The following KMT2E variants were observed in gnomAD, a reference collection of about 807,000 sequenced individuals.
The protein encoded by KMT2E is histone reader KMT2E.
In KMT2E, 30 loss-of-function variants were observed where a neutral mutation model predicts 184.6. That is an observed-to-expected ratio of 0.16 (90% CI 0.12 to 0.22). The LOEUF (loss-of-function observed/expected upper bound fraction) is 0.22. Ranked by LOEUF, KMT2E falls within the 10% of genes least tolerant of loss-of-function variation. KMT2E has a pLI of 1.00. For synonymous variants in KMT2E, 815 were observed against 776.5 expected (o/e 1.05, Z -0.82); for missense variants, 2,023 against 2,237.4 (o/e 0.90, Z 1.93).
rs926478950 is a variant in KMT2E at position 105,076,979 on chromosome 7, T to C, written c.785T>C (p.Ile262Thr). 5 of 1,612,962 alleles carry C rather than the reference T, an allele frequency of 3.1e-6. No individual in the cohort carries two copies. The highest frequency in any genetic ancestry group is 2.2e-5 in the South Asian group (2 of 91,024). ...TGATTTTAGGGTTCAGCTCCAGAGATTGATCCTTCATCTGATGGTTCAAAT... is the reference window on the plus strand; with the variant it reads ...TGATTTTAGGGTTCAGCTCCAGAGACTGATCCTTCATCTGATGGTTCAAAT... ...SSRVKGSAPE[I>T]DPSSDGSNFG... The change falls in exon 10 of 27, where the codon ATT becomes ACT. Residue 262 changes from isoleucine (I) to threonine (T), a missense_variant. Ile to Thr is a moderately conservative substitution (Grantham distance 89). Around this residue, in one of 8 missense-constraint regions of KMT2E, gnomAD observed 191 missense variants for 209.0 expected, o/e 0.91. Transcript: ENST00000311117.
At chr7:105,062,783 T>C (rs1013836155) in intron 4 of KMT2E, among the ~76,000 whole-genome samples, 7 of 151,906 alleles carry the variant, frequency 4.6e-5, no homozygotes, top group African/African-American at 1.7e-4. Flanking sequence ...TTATTAAATA[T>C]TGCATATCTA....
chr7:105,096,677 A>G (rs1411929863), intron 15 of KMT2E, among the ~76,000 whole-genome samples: 1 of 152,254 alleles, frequency 6.6e-6, no homozygotes, highest in Admixed American at 6.5e-5. Flanking sequence ...AAAGTAGACC[A>G]TCAATAAATG....
At chr7:105,105,232 C>A (rs983772509) in intron 17 of KMT2E, 24 of 413,314 alleles carry the variant, frequency 5.8e-5, no homozygotes, top group Non-Finnish European at 9.3e-5. Context: ...TTTTGTTCTA[C>A]AAAATAATTG....
At chr7:105,045,273 T>TA (rs1796054715) in intron 3 of KMT2E, among the ~76,000 whole-genome samples, 1 of 152,240 alleles carries the variant, frequency 6.6e-6, no homozygotes. Flanking sequence ...CCTTTGGCTT[T>TA]AGTGAAAATA....
intron 6 of KMT2E, among the ~76,000 whole-genome samples, chr7:105,072,292 T>A (rs552039333): frequency 6.6e-6 from 1 of 152,132 alleles, no homozygotes; most frequent in African/African-American, 2.4e-5. Context: ...AACTCCAGCT[T>A]GGCAGCCTGG....
chr7:105,071,608 AT>A (rs869055986), intron 6 of KMT2E, among the ~76,000 whole-genome samples: 80 of 31,866 alleles, frequency 2.5e-3, no homozygotes, highest in East Asian at 0.019. Flanking sequence ...ATATATATAT[AT>A]TTTTTTTTTT....
At position 105,066,711 on chromosome 7, in the gene KMT2E, CTTTT is replaced by C. The variant is rs543092880; in HGVS notation, c.417-7_417-4del. ...CTTAAATAATATTACATATGTTCTG[CTTTT>C]TTTTTTTTAAGCGTTTGGCAACATA... is the stretch of plus-strand genomic sequence containing the variant. On this transcript the variant is annotated splice_polypyrimidine_tract_variant and intron_variant, in intron 5 of 26. Transcript: ENST00000311117. 3.2e-6 allele frequency: 4 copies of C among 1,235,188 alleles called. No homozygotes were observed. Among genetic ancestry groups the C allele is most frequent in the African/African-American group, 1.6e-5 (1 of 64,116 alleles). The allele number at this position is 1,235,188 out of a possible 1,614,324, so 76.5% of individuals were successfully genotyped here.
chr7:105,111,140 G>A (rs1799238624), intron 26 of KMT2E: 1 of 347,678 alleles, frequency 2.9e-6, no homozygotes. Flanking sequence ...TTCTAGTGGT[G>A]TCCAGGAAAT....
At chr7:105,095,492 C>T (rs1798367434) in intron 15 of KMT2E, among the ~76,000 whole-genome samples, 1 of 152,136 alleles carries the variant, frequency 6.6e-6, no homozygotes, top group African/African-American at 2.4e-5. Context: ...ACAAAATACT[C>T]AGGGATGAAG....
rs562888858 is a variant in KMT2E, at chr7:105,109,127, A to T, written c.3654A>T (p.Pro1218=). ...ACCACACTGCTAGCCTACCTTTACC[A>T]ACACCAGCTACAGTTTATAATGCCA... ...QVDHTASLPL[P]TPATVYNATS... is the part of the protein sequence containing the mutation. Residue 1218 remains proline, a synonymous_variant, in exon 23 of 27, where the codon CCA becomes CCT. Transcript: ENST00000311117. The T allele has an allele frequency of 2.5e-6, 4 of 1,614,208 alleles. 1 individual carries two copies. The Admixed American group carries it at 6.7e-5, about 27-fold the overall frequency.
chr7:105,052,139 G>A (rs1796376538), intron 3 of KMT2E, among the ~76,000 whole-genome samples: 1 of 152,040 alleles, frequency 6.6e-6, no homozygotes, highest in South Asian at 2.1e-4. Flanking sequence ...TGACCATAAG[G>A]CCCTCCTTCC....
intron 8 of KMT2E, 86 bp from the exon 9 acceptor site, chr7:105,075,956 TA>T: frequency 9.3e-7 from 1 of 1,071,974 alleles, no homozygotes; most frequent in Non-Finnish European, 1.4e-6. Context: ...ACACTTCAGT[TA>T]AAAGTTTCAA....
chr7:105,092,666 A>G (rs1433731662), intron 15 of KMT2E, among the ~76,000 whole-genome samples: 2 of 152,188 alleles, frequency 1.3e-5, no homozygotes, highest in East Asian at 1.9e-4. Context: ...TTGAGATTCA[A>G]TTATATATAA....
chr7:105,112,790 C>CG lies in KMT2E; in HGVS notation c.5034_5035insG (p.Pro1679AlafsTer190). On this transcript the variant is annotated frameshift_variant, in exon 27 of 27. Transcript: ENST00000311117. LOFTEE classifies it high-confidence loss of function. ...CTCAAACTGCTGGACACCACTTACC[C>CG]CCACCCCCACCCCCTCCTGGTCCTG... 2 of 1,573,188 alleles carry CG rather than the reference C, an allele frequency of 1.3e-6. No individual in the cohort carries two copies. Among genetic ancestry groups the CG allele is most frequent in the Non-Finnish European group, 1.7e-6 (2 of 1,154,286 alleles).
chr7:105,111,014 G>A lies in KMT2E; in HGVS notation c.4068+146G>A, dbSNP rs568291855. ...CTTTTCCTGTCAGAAATACTCAATT[G>A]TGTTTACTACTGTTTGTTCTTCTTA... On this transcript the variant is annotated intron_variant, in intron 26 of 26. Coordinates refer to ENST00000311117, the MANE Select transcript of KMT2E (RefSeq NM_182931.3). The A allele has an allele frequency of 9.5e-6, 6 of 628,916 alleles. No homozygotes were observed. In the East Asian group the frequency reaches 1.1e-4, roughly 11 times the overall value. The allele number at this position is 628,916 out of a possible 1,614,324, so 39.0% of individuals were successfully genotyped here.
chr7:105,088,797 C>A (rs1388142291), intron 13 of KMT2E, among the ~76,000 whole-genome samples: 1 of 152,138 alleles, frequency 6.6e-6, no homozygotes, highest in African/African-American at 2.4e-5. Flanking sequence ...GGGGCAATAT[C>A]CTTACTGTGA....
Position 105,014,350 on chromosome 7 carries a change from C to T in KMT2E, c.-374C>T, listed in dbSNP as rs1229174622. ...TTCCTGTTGACTGCCTGGCTGCCCC[C>T]TCCCCTACTCCTCGGTTCCTGGTGA... On this transcript the variant is annotated 5_prime_UTR_variant, in exon 1 of 27. Transcript: ENST00000311117. 3 of 155,020 alleles carry T rather than the reference C, an allele frequency of 1.9e-5. No homozygotes were observed. The highest frequency in any genetic ancestry group is 7.2e-5 in the African/African-American group (3 of 41,464). The allele number at this position is 155,020 out of a possible 1,614,324, so 9.6% of individuals were successfully genotyped here.
intron 17 of KMT2E, 153 bp downstream of exon 17, chr7:105,102,347 CTG>C: frequency 1.8e-6 from 1 of 560,820 alleles, no homozygotes; most frequent in African/African-American, 2.0e-5. Context: ...AATTCCAAAA[CTG>C]TAAAATTAAT....
rs185055316 is a variant in KMT2E at position 105,047,462 on chromosome 7, A to G, written c.71+6439A>G. On this transcript the variant is annotated intron_variant, in intron 3 of 26. Coordinates refer to ENST00000311117, the MANE Select transcript of KMT2E (RefSeq NM_182931.3). ...TTTTTGCAGGATTAAGTTGAACTAT[A>G]TGAATGCCATTTTTATAGGTCAGAA... Among the ~76,000 whole-genome samples, 167 of 152,364 alleles carry G rather than the reference A, an allele frequency of 1.1e-3. 1 individual carries two copies. The highest frequency in any genetic ancestry group is 6.1e-3 in the Admixed American group (93 of 15,310).
Sources: gnomAD v4.1 joint callset for allele counts (sites outside exome capture counted in the v4.1 genomes callset) on GRCh38, gnomAD v4.1.1 for gene constraint, gnomAD v4.1.1 regional missense constraint, MANE v1.5 for transcripts, NCBI Gene and HGNC (gene_info 2026-07-23, HGNC 2026-07-21) for gene names.